Variants in PRIM1 observed in about 807,000 individuals in gnomAD.
The protein encoded by PRIM1 is DNA primase small subunit.
A neutral mutation model predicts 60.2 loss-of-function variants in PRIM1; 38 were observed. The ratio of observed to expected loss-of-function variants is 0.63; its 90% CI spans 0.49 to 0.83. PRIM1 has a LOEUF of 0.83. PRIM1 is among the 40% of genes least tolerant of loss of function. The pLI is 0.00. For synonymous variants in PRIM1, 158 were observed against 160.2 expected (o/e 0.99, Z 0.10); for missense variants, 388 against 506.2 (o/e 0.77, Z 2.24).
Position 56,731,680 on chromosome 12 carries a change from A to C in PRIM1, c.*35T>G. 2 of 1,494,728 alleles carry C rather than the reference A, an allele frequency of 1.3e-6. No individual in the cohort carries two copies. The highest frequency in any genetic ancestry group is 1.8e-6 in the Non-Finnish European group (2 of 1,100,698). 92.6% of individuals were successfully genotyped at this position (1,494,728 alleles called of 1,614,324 possible). A position where few individuals can be genotyped will look rare whatever the true frequency, so the allele number is the denominator to read the frequency against. On this transcript the variant is annotated 3_prime_UTR_variant, in exon 13 of 13. Coordinates refer to ENST00000338193, the MANE Select transcript of PRIM1 (RefSeq NM_000946.3). ...AAGTATTTGATCTGTGGTTGAAGGC[A>C]GAAGATATCCACAATGGTTTGAGGA...
At chr12:56,748,673 G>C (rs1279638358) in intron 2 of PRIM1, among the ~76,000 whole-genome samples, 1 of 151,710 alleles carries the variant, frequency 6.6e-6, no homozygotes, top group Non-Finnish European at 1.5e-5. Context: ...GTTGCTTCTG[G>C]GTCTGGGTGT....
intron 11 of PRIM1, among the ~76,000 whole-genome samples, chr12:56,737,865 C>G (rs892323578): frequency 6.6e-6 from 1 of 152,164 alleles, no homozygotes; most frequent in African/African-American, 2.4e-5. Flanking sequence ...GCTGGGATTA[C>G]AGGTGCCCTC....
intron 5 of PRIM1, among the ~76,000 whole-genome samples, chr12:56,744,502 A>G (rs929698980): frequency 2.6e-5 from 4 of 152,078 alleles, no homozygotes; most frequent in Non-Finnish European, 4.4e-5. Context: ...TCAAAAAAAA[A>G]AGAAAAAGAT....
chr12:56,746,200 A>G lies in PRIM1; in HGVS notation c.443-19T>C. On this transcript the variant is annotated intron_variant, in intron 4 of 12. Coordinates refer to ENST00000338193, the MANE Select transcript of PRIM1 (RefSeq NM_000946.3). ...AAGTCCTCTGAGGAAGAGAGAAATA[A>G]TAGGTTTTAAAACAAATCTATAAAC... 1 of 1,604,446 alleles carries G rather than the reference A, an allele frequency of 6.2e-7. No homozygotes were observed. Among genetic ancestry groups the G allele is most frequent in the Non-Finnish European group, 8.5e-7 (1 of 1,175,182 alleles).
chr12:56,737,442 T>C (rs1592332153), intron 11 of PRIM1, among the ~76,000 whole-genome samples: 1 of 151,632 alleles, frequency 6.6e-6, no homozygotes, highest in Non-Finnish European at 1.5e-5. Context: ...CTCCACCTCC[T>C]GAGTTCAAGC....
At chr12:56,745,652 G>A (rs541000820) in intron 5 of PRIM1, among the ~76,000 whole-genome samples, 79 of 152,186 alleles carry the variant, frequency 5.2e-4, no homozygotes, top group African/African-American at 1.7e-3. Context: ...TTAAAGATAA[G>A]TTTTAGGCCA....
chr12:56,745,070 G>A (rs1953897234), intron 5 of PRIM1, among the ~76,000 whole-genome samples: 1 of 148,984 alleles, frequency 6.7e-6, no homozygotes, highest in South Asian at 2.1e-4. Flanking sequence ...TAGCGCCACT[G>A]CACTCCAGCC....
At chr12:56,746,679 T>C (rs938289869) in intron 4 of PRIM1, 102 bp downstream of exon 4, 27 of 789,886 alleles carry the variant, frequency 3.4e-5, no homozygotes, top group African/African-American at 1.2e-4. Context: ...CACACACAAA[T>C]TAATGAGATT....
intron 9 of PRIM1, among the ~76,000 whole-genome samples, 172 bp downstream of exon 9, chr12:56,741,263 A>G (rs1470775342): frequency 6.6e-6 from 1 of 152,208 alleles, no homozygotes; most frequent in Admixed American, 6.6e-5. Flanking sequence ...AAACAGTTAC[A>G]TAGTAGAAAC....
At position 56,746,040 on chromosome 12, in the gene PRIM1, C is replaced by G. The variant is rs898196336; in HGVS notation, c.579+5G>C. The G allele has an allele frequency of 6.2e-7, 1 of 1,600,220 alleles. No homozygotes were observed. The highest frequency in any genetic ancestry group is 8.5e-7 in the Non-Finnish European group (1 of 1,175,930). On this transcript the variant is annotated splice_donor_5th_base_variant and intron_variant, in intron 5 of 12. Coordinates refer to ENST00000338193, the MANE Select transcript of PRIM1 (RefSeq NM_000946.3). ...CAATGCAAATTAGAATTAAGAGGATCTTACCTTTACAAGGCTCAAATACTC... is the reference window on the plus strand; with the variant it reads ...CAATGCAAATTAGAATTAAGAGGATGTTACCTTTACAAGGCTCAAATACTC...
At chr12:56,751,721 A>G (rs1181418778) in intron 1 of PRIM1, 5 of 153,230 alleles carry the variant, frequency 3.3e-5, no homozygotes, top group African/African-American at 1.2e-4. Context: ...AACGGTACAA[A>G]AGATGAAACA....
intron 9 of PRIM1, 115 bp downstream of exon 9, chr12:56,741,320 A>G: frequency 1.7e-6 from 2 of 1,166,612 alleles, no homozygotes; most frequent in Non-Finnish European, 2.3e-6. Flanking sequence ...TGACAGAGCA[A>G]TTCTTCTACC....
intron 1 of PRIM1, 176 bp from the exon 2 acceptor site, chr12:56,751,371 C>T (rs1953956395): frequency 2.3e-6 from 1 of 433,386 alleles, no homozygotes; most frequent in Non-Finnish European, 4.0e-6. Flanking sequence ...CCTCCGCCTC[C>T]CGGGTTCAAG....
intron 10 of PRIM1, 56 bp from the exon 11 acceptor site, chr12:56,738,581 C>G (rs1953850757): frequency 1.3e-5 from 20 of 1,524,850 alleles, no homozygotes; most frequent in Non-Finnish European, 1.6e-5. Context: ...GAGACGGAGT[C>G]TTGCTCTGTT....
chr12:56,741,254 AAC>A (rs993451877), intron 9 of PRIM1, among the ~76,000 whole-genome samples, 179 bp downstream of exon 9: 2 of 152,136 alleles, frequency 1.3e-5, no homozygotes, highest in African/African-American at 4.8e-5. Context: ...CCAACTGAAA[AAC>A]AGTTACATAG....
Position 56,739,325 on chromosome 12 carries a change from G to A in PRIM1, c.1021C>T (p.Gln341Ter). The A allele has an allele frequency of 6.3e-7, 1 of 1,581,228 alleles. No homozygotes were observed. The highest frequency in any genetic ancestry group is 8.6e-7 in the Non-Finnish European group (1 of 1,158,610). The change falls in exon 10 of 13, where the codon CAG becomes TAG. Residue 341 changes from glutamine to a stop codon, truncating the protein, a stop_gained. Transcript: ENST00000338193. LOFTEE classifies it high-confidence loss of function. ...GTCGGAACAGTAAATGGATCAAACT[G>A]GTCCACTTTCTGCAAATCAATAGGC... ...SVPIDLQKVD[Q>*]FDPFTVPTIS... is the part of the protein sequence containing the mutation.
intron 1 of PRIM1, 143 bp downstream of exon 1, chr12:56,752,053 G>A: frequency 2.2e-6 from 1 of 456,162 alleles, no homozygotes; most frequent in Non-Finnish European, 4.0e-6. Context: ...CCTATGAAGT[G>A]GTGGGGCGGG....
chr12:56,746,841 A>G lies in PRIM1; in HGVS notation c.382T>C (p.Cys128Arg). 1 of 1,613,904 alleles carries G rather than the reference A, an allele frequency of 6.2e-7. No homozygotes were observed. The highest frequency in any genetic ancestry group is 8.5e-7 in the Non-Finnish European group (1 of 1,179,826). Residue 128 changes from cysteine (C) to arginine (R), a missense_variant, in exon 4 of 13, where the codon TGT becomes CGT. Physicochemically the swap from Cys to Arg is radical, Grantham distance 180. Coordinates refer to ENST00000338193, the MANE Select transcript of PRIM1 (RefSeq NM_000946.3). Reference sequence around the variant, plus strand: ...GTCATGAGGGTCCAGCACTTAGGACATATGTCTGCAGAACTAAAGCAGAGT... The same window carrying G: ...GTCATGAGGGTCCAGCACTTAGGACGTATGTCTGCAGAACTAAAGCAGAGT... ...VRRCCSSADI[C>R]PKCWTLMTMA...
chr12:56,737,201 T>C (rs1953839283), intron 11 of PRIM1, among the ~76,000 whole-genome samples: 1 of 152,152 alleles, frequency 6.6e-6, no homozygotes, highest in Non-Finnish European at 1.5e-5. Flanking sequence ...TATCAGAATC[T>C]AATGCCTGAT....
Sources: allele counts gnomAD v4.1 joint callset (sites outside exome capture counted in the v4.1 genomes callset), GRCh38; gene constraint gnomAD v4.1.1; transcripts MANE v1.5; gene names NCBI Gene and HGNC (gene_info 2026-07-23, HGNC 2026-07-21).